Variants in BMPER observed in about 807,000 individuals in gnomAD.
BMPER encodes BMP-binding endothelial regulator protein.
In BMPER, 45 loss-of-function variants were observed where a neutral mutation model predicts 87.3. The ratio of observed to expected loss-of-function variants is 0.52; its 90% CI spans 0.41 to 0.66. The LOEUF is 0.66. Among genes scored for constraint, BMPER ranks in the 30% least tolerant of loss-of-function variants. The pLI is 0.00. For synonymous variants in BMPER, 326 were observed against 316.2 expected (o/e 1.03, Z -0.33); for missense variants, 784 against 867.5 (o/e 0.90, Z 1.21).
At chr7:34,024,131 G>A (rs1043386826) in intron 6 of BMPER, among the ~76,000 whole-genome samples, 1 of 150,936 alleles carries the variant, frequency 6.6e-6, no homozygotes, top group Non-Finnish European at 1.5e-5. Context: ...ATATGTGTGG[G>A]TGGATCAGTT....
intron 6 of BMPER, among the ~76,000 whole-genome samples, chr7:34,007,965 G>T (rs532266181): frequency 7.2e-5 from 11 of 151,996 alleles, no homozygotes; most frequent in Admixed American, 7.2e-4. Context: ...TGTCAACACA[G>T]TATTTTTATT....
At chr7:34,146,006 G>A (rs1312630614) in intron 14 of BMPER, among the ~76,000 whole-genome samples, 1 of 151,946 alleles carries the variant, frequency 6.6e-6, no homozygotes, top group East Asian at 1.9e-4. Context: ...GGAGGGGAAT[G>A]TTTTAGACAC....
At chr7:33,972,858 A>T (rs1785584149) in intron 5 of BMPER, among the ~76,000 whole-genome samples, 2 of 152,208 alleles carry the variant, frequency 1.3e-5, no homozygotes, top group Non-Finnish European at 2.9e-5. Context: ...TGGGATGCAA[A>T]TTGGAGGATC....
chr7:34,129,674 A>AAG (rs1554322769), intron 13 of BMPER, among the ~76,000 whole-genome samples: 1 of 151,894 alleles, frequency 6.6e-6, no homozygotes, highest in African/African-American at 2.4e-5. Context: ...GAAAGAAAGA[A>AAG]AGAAAGAAAA....
chr7:33,915,327 C>T (rs1440375264), intron 2 of BMPER, among the ~76,000 whole-genome samples: 2 of 152,166 alleles, frequency 1.3e-5, no homozygotes, highest in Non-Finnish European at 2.9e-5. Flanking sequence ...AATATAAAAA[C>T]TTACTATTGT....
chr7:33,988,403 G>A (rs1484058185), intron 6 of BMPER, among the ~76,000 whole-genome samples: 2 of 152,062 alleles, frequency 1.3e-5, no homozygotes, highest in African/African-American at 4.8e-5. Context: ...TAATAACTAA[G>A]CCCACTAACT....
chr7:33,973,080 G>A (rs139873734), intron 5 of BMPER, among the ~76,000 whole-genome samples: 299 of 152,302 alleles, frequency 2.0e-3, no homozygotes, highest in African/African-American at 6.9e-3. Context: ...ATTCTTGGTC[G>A]ACTGCTCCTT....
chr7:34,028,548 G>T (rs1188369545), intron 6 of BMPER, among the ~76,000 whole-genome samples: 1 of 144,014 alleles, frequency 6.9e-6, no homozygotes, highest in African/African-American at 2.6e-5. Flanking sequence ...ATATGTGATG[G>T]CATCAACTAA....
At chr7:34,084,433 C>T (rs1335183837) in intron 12 of BMPER, among the ~76,000 whole-genome samples, 1 of 152,178 alleles carries the variant, frequency 6.6e-6, no homozygotes, top group African/African-American at 2.4e-5. Flanking sequence ...GGCCGAAATA[C>T]ACCTTGATCC....
At position 33,970,380 on chromosome 7, in the gene BMPER, C is replaced by G. The variant is rs760753482; in HGVS notation, c.454C>G (p.Pro152Ala). ...GCGCTGTGTTGTTCATTGTAAAAAC[C>G]CTTTGGAGCATCTGGGAATGTGCTG... ...GVRCVVHCKNPLEHLGMCCPT... is the reference protein window; with the variant it reads ...GVRCVVHCKNALEHLGMCCPT... Residue 152 changes from proline (P) to alanine (A), a missense_variant, in exon 5 of 15, where the codon CCT (proline) becomes GCT (alanine). By Grantham distance (27) the Pro-to-Ala change is conservative (BLOSUM62 -1). Coordinates refer to ENST00000649409, the MANE Select transcript of BMPER (RefSeq NM_001365308.1). The G allele has an allele frequency of 6.2e-7, 1 of 1,613,972 alleles. No homozygotes were observed. Among genetic ancestry groups the G allele is most frequent in the Non-Finnish European group, 8.5e-7 (1 of 1,180,032 alleles).
chr7:33,955,391 C>G (rs902132983), intron 3 of BMPER, among the ~76,000 whole-genome samples: 2 of 152,158 alleles, frequency 1.3e-5, no homozygotes, highest in Non-Finnish European at 2.9e-5. Flanking sequence ...GCTGGCTGCA[C>G]AGTTCTAAAA....
chr7:33,905,814 GGCTTGCCCCGGGGAT>G, intron 1 of BMPER, 68 bp downstream of exon 1: 1 of 1,427,214 alleles, frequency 7.0e-7, no homozygotes, highest in Non-Finnish European at 9.6e-7. Flanking sequence ...AGGTGGCGCT[GGCTTGCCCCGGGGAT>G]GGGAGGGTGG....
At chr7:33,995,674 G>A (rs1052885896) in intron 6 of BMPER, among the ~76,000 whole-genome samples, 1 of 152,106 alleles carries the variant, frequency 6.6e-6, no homozygotes, top group African/African-American at 2.4e-5. Flanking sequence ...TGGCAGCGTT[G>A]GTTCCATGAG....
At chr7:34,069,075 C>T (rs192642177) in intron 11 of BMPER, among the ~76,000 whole-genome samples, 45 of 152,230 alleles carry the variant, frequency 3.0e-4, no homozygotes, top group Middle Eastern at 3.4e-3. Context: ...AAAAGATATG[C>T]GAATTCATTA....
chr7:34,010,484 A>G (rs1786848773), intron 6 of BMPER, among the ~76,000 whole-genome samples: 1 of 151,942 alleles, frequency 6.6e-6, no homozygotes, highest in South Asian at 2.1e-4. Flanking sequence ...CACCCTAATT[A>G]TATGCAACTT....
intron 7 of BMPER, among the ~76,000 whole-genome samples, chr7:34,047,426 G>A (rs993004870): frequency 6.6e-6 from 1 of 151,802 alleles, no homozygotes; most frequent in Non-Finnish European, 1.5e-5. Context: ...CTACAGGCAC[G>A]TGCCACCACA....
chr7:33,974,777 C>A lies in BMPER; in HGVS notation c.569C>A (p.Ser190Tyr). Residue 190 changes from serine (S) to tyrosine (Y), a missense_variant, in exon 6 of 15, where the codon TCC becomes TAC. Ser to Tyr is a moderately radical substitution (Grantham distance 144). Coordinates refer to ENST00000649409, the MANE Select transcript of BMPER (RefSeq NM_001365308.1). Reference protein sequence around the residue: ...QPEGSKCTKCSCTGGRTQCVR... With the variant: ...QPEGSKCTKCYCTGGRTQCVR... Reference sequence around the variant, plus strand: ...GAAGGAAGCAAATGTACCAAGTGTTCCTGCACTGTAAGTCCTGCTGTGGAT... The same window carrying A: ...GAAGGAAGCAAATGTACCAAGTGTTACTGCACTGTAAGTCCTGCTGTGGAT... 6.2e-7 allele frequency: 1 copy of A among 1,613,962 alleles called. No individual in the cohort carries two copies. Among genetic ancestry groups the A allele is most frequent in the Non-Finnish European group, 8.5e-7 (1 of 1,179,860 alleles).
At chr7:34,060,945 ATGTCCTTTAG>A (rs1396953798) in intron 10 of BMPER, among the ~76,000 whole-genome samples, 1 of 152,220 alleles carries the variant, frequency 6.6e-6, no homozygotes, top group Non-Finnish European at 1.5e-5. Flanking sequence ...TGGGAAGAAA[ATGTCCTTTAG>A]GGTCAGACAA....
chr7:34,078,829 C>T, intron 11 of BMPER, 28 bp from the exon 12 acceptor site: 1 of 1,612,086 alleles, frequency 6.2e-7, no homozygotes, highest in Non-Finnish European at 8.5e-7. Context: ...GGTTTGTGAC[C>T]CGGCTTTTGT....
Sources: gnomAD v4.1 joint callset for allele counts (sites outside exome capture counted in the v4.1 genomes callset) on GRCh38, gnomAD v4.1.1 for gene constraint, MANE v1.5 for transcripts, NCBI Gene and HGNC (gene_info 2026-07-23, HGNC 2026-07-21) for gene names.